The following DGKB variants were observed in gnomAD, a reference collection of about 807,000 sequenced individuals.
DGKB encodes 90 kDa diacylglycerol kinase.
DGKB carries 67 observed loss-of-function variants against 114.3 expected under a neutral mutation model. The ratio of observed to expected loss-of-function variants is 0.59; its 90% CI spans 0.48 to 0.72. The LOEUF (loss-of-function observed/expected upper bound fraction) is 0.72. Ranked by LOEUF, DGKB falls within the 30% of genes least tolerant of loss-of-function variation. The pLI, the probability that DGKB is intolerant of heterozygous loss-of-function variation, is 0.00. For missense variants in DGKB, 907 were observed against 975.2 expected, an observed-to-expected ratio of 0.93 and a Z score of 0.93; for synonymous variants, 398 against 323.1, an observed-to-expected ratio of 1.23 and a Z score of -2.49.
intron 21 of DGKB, among the ~76,000 whole-genome samples, chr7:14,386,676 A>G (rs1466156296): frequency 6.6e-6 from 1 of 152,214 alleles, no homozygotes; most frequent in Non-Finnish European, 1.5e-5. Context: ...GCAAAGCTGT[A>G]GATAACTGTC....
chr7:14,514,985 A>G (rs2128551203), intron 20 of DGKB, among the ~76,000 whole-genome samples: 1 of 152,270 alleles, frequency 6.6e-6, no homozygotes, highest in Non-Finnish European at 1.5e-5. Flanking sequence ...TCAAGGCTAT[A>G]GTGAGCCTGC....
chr7:14,753,788 G>A (rs986427800), intron 4 of DGKB, 140 bp downstream of exon 4: 2 of 636,626 alleles, frequency 3.1e-6, no homozygotes, highest in African/African-American at 3.8e-5. Context: ...TATAACCTAT[G>A]AGTATTATAG....
At chr7:14,294,954 G>C (rs1270726166) in intron 23 of DGKB, among the ~76,000 whole-genome samples, 3 of 152,122 alleles carry the variant, frequency 2.0e-5, no homozygotes, top group Non-Finnish European at 4.4e-5. Flanking sequence ...GTCTAAATTA[G>C]AAAGGTTCCC....
chr7:14,537,637 G>A (rs985048288), intron 20 of DGKB, among the ~76,000 whole-genome samples: 2 of 151,952 alleles, frequency 1.3e-5, no homozygotes, highest in Non-Finnish European at 2.9e-5. Context: ...AACTCAAAAC[G>A]GATTAAAGAC....
intron 5 of DGKB, among the ~76,000 whole-genome samples, chr7:14,734,840 G>A (rs1468507421): frequency 1.3e-5 from 2 of 152,110 alleles, no homozygotes; most frequent in Non-Finnish European, 2.9e-5. Context: ...ACAGAGTCCT[G>A]TGATCAAAGA....
chr7:14,868,340 A>ATTTT (rs397732601), intron 1 of DGKB, among the ~76,000 whole-genome samples: 1 of 144,412 alleles, frequency 6.9e-6, no homozygotes, highest in Non-Finnish European at 1.5e-5. Flanking sequence ...TTTCCTTTTC[A>ATTTT]TTTTTTTTTT....
intron 13 of DGKB, among the ~76,000 whole-genome samples, chr7:14,655,562 G>A (rs947954739): frequency 1.2e-4 from 18 of 151,598 alleles, no homozygotes. Flanking sequence ...GGAAACTTGT[G>A]TATCAAAGTG....
intron 1 of DGKB, among the ~76,000 whole-genome samples, chr7:14,850,140 G>A (rs2128157072): frequency 6.6e-6 from 1 of 152,294 alleles, no homozygotes; most frequent in East Asian, 1.9e-4. Flanking sequence ...GACAATTGAA[G>A]CATCCATTGG....
intron 17 of DGKB, among the ~76,000 whole-genome samples, chr7:14,593,599 A>C (rs1219077828): frequency 1.3e-5 from 2 of 151,948 alleles, no homozygotes; most frequent in Non-Finnish European, 2.9e-5. Context: ...TTAAAATATA[A>C]ATTTTTTCTA....
chr7:14,704,328 G>A (rs1266339738), intron 6 of DGKB, among the ~76,000 whole-genome samples: 4 of 149,816 alleles, frequency 2.7e-5, no homozygotes, highest in African/African-American at 9.8e-5. Flanking sequence ...GGTGCCTGTA[G>A]TCCCAGCTAC....
chr7:14,469,710 A>T (rs1340124169), intron 21 of DGKB, among the ~76,000 whole-genome samples: 1 of 152,064 alleles, frequency 6.6e-6, no homozygotes, highest in Non-Finnish European at 1.5e-5. Flanking sequence ...CTCAGATCCA[A>T]CAAAGTATTT....
intron 1 of DGKB, among the ~76,000 whole-genome samples, chr7:14,854,920 T>A (rs913824388): frequency 1.5e-4 from 23 of 152,002 alleles, no homozygotes; most frequent in African/African-American, 5.6e-4. Context: ...AAGAATGATT[T>A]AAAAAAATGA....
At chr7:14,943,530 A>G (rs1208529242) in intron 1 of DGKB, among the ~76,000 whole-genome samples, 3 of 151,860 alleles carry the variant, frequency 2.0e-5, no homozygotes, top group African/African-American at 4.8e-5. Flanking sequence ...AATAATGAAT[A>G]TAAGTCCTAA....
intron 20 of DGKB, among the ~76,000 whole-genome samples, chr7:14,493,704 A>T (rs747754374): frequency 6.6e-6 from 1 of 152,062 alleles, no homozygotes; most frequent in Non-Finnish European, 1.5e-5. Context: ...ATGCTACTAG[A>T]ACAGTGTGCA....
chr7:14,382,893 C>G (rs113815551), intron 21 of DGKB, among the ~76,000 whole-genome samples: 128 of 152,050 alleles, frequency 8.4e-4, no homozygotes, highest in African/African-American at 3.1e-3. Flanking sequence ...AACAGTGGAA[C>G]AGAAGGTGAG....
intron 3 of DGKB, 121 bp from the exon 4 acceptor site, chr7:14,754,069 C>T: frequency 1.5e-6 from 1 of 675,448 alleles, no homozygotes; most frequent in South Asian, 2.0e-5. Flanking sequence ...AAAACACACC[C>T]TAGATCCATA....
chr7:14,510,842 T>C (rs1489713331), intron 20 of DGKB, among the ~76,000 whole-genome samples: 1 of 152,176 alleles, frequency 6.6e-6, no homozygotes, highest in Non-Finnish European at 1.5e-5. Context: ...AAAACATTAA[T>C]CTCCTTGTAT....
intron 16 of DGKB, among the ~76,000 whole-genome samples, chr7:14,611,315 G>A (rs575200088): frequency 8.5e-4 from 129 of 152,222 alleles, no homozygotes; most frequent in African/African-American, 3.1e-3. Flanking sequence ...CCAGTCACTA[G>A]TAGAGTTTGG....
At chr7:14,671,368 A>G (rs1354340367) in intron 13 of DGKB, among the ~76,000 whole-genome samples, 3 of 152,176 alleles carry the variant, frequency 2.0e-5, no homozygotes, top group Non-Finnish European at 4.4e-5. Context: ...TTCAGAGTAG[A>G]TAGTACCACA....
Sources: allele counts gnomAD v4.1 joint callset (sites outside exome capture counted in the v4.1 genomes callset), GRCh38; gene constraint gnomAD v4.1.1; transcripts MANE v1.5; gene names NCBI Gene and HGNC (gene_info 2026-07-23, HGNC 2026-07-21).